Variants in TANC2 observed in about 807,000 individuals in gnomAD.
TANC2 encodes the protein tetratricopeptide repeat, ankyrin repeat and coiled-coil containing 2.
TANC2 carries 26 observed loss-of-function variants against 210.5 expected under a neutral mutation model. That is an observed-to-expected ratio of 0.12 (90% confidence interval 0.09 to 0.17). The LOEUF is 0.17. TANC2 is among the 10% of genes least tolerant of loss of function. The probability of loss-of-function intolerance (pLI) is 1.00; values close to 1 mark genes in which losing one functional copy is unlikely to be tolerated. For missense variants in TANC2, 2,129 were observed against 2,608.9 expected, an observed-to-expected ratio of 0.82 and a Z score of 4.01; for synonymous variants, 931 against 967.1, an observed-to-expected ratio of 0.96 and a Z score of 0.69.
chr17:63,386,079 C>T (rs968350740), intron 15 of TANC2, among the ~76,000 whole-genome samples: 3 of 152,062 alleles, frequency 2.0e-5, no homozygotes, highest in African/African-American at 7.2e-5. Context: ...GTCAAAATGT[C>T]GCAAAATATA....
intron 4 of TANC2, chr17:63,148,390 T>C (rs1410002196): frequency 6.6e-6 from 1 of 152,218 alleles, no homozygotes; most frequent in Non-Finnish European, 1.5e-5. Flanking sequence ...AACAATACTG[T>C]GACTTTATGA....
chr17:63,358,377 G>GAA (rs1228823721), intron 14 of TANC2, among the ~76,000 whole-genome samples: 37 of 101,096 alleles, frequency 3.7e-4, no homozygotes, highest in Admixed American at 2.9e-3. Context: ...GAGAGAGAGA[G>GAA]TATGTGTGTG....
chr17:63,404,979 T>C, intron 19 of TANC2, 143 bp from the exon 20 acceptor site: 4 of 1,014,456 alleles, frequency 3.9e-6, no homozygotes, highest in South Asian at 3.4e-5. Context: ...GAACTTTTCT[T>C]TATGGAAAAG....
Position 63,421,270 on chromosome 17 carries a change from A to G in TANC2, c.5540A>G (p.Lys1847Arg). Residue 1847 changes from lysine (K) to arginine (R), a missense_variant, in exon 28 of 28, where the codon AAA (lysine) becomes AGA (arginine). Lys to Arg is a conservative substitution (Grantham distance 26, BLOSUM62 2). Coordinates refer to ENST00000689528, the Ensembl canonical transcript of TANC2. The surrounding 1 kb of genome is among the most constrained non-coding windows in gnomAD (Gnocchi z 6.9). The stretch of plus-strand genomic sequence containing the variant: ...ATCAGTGTCAACCCTAACGAAATCA[A>G]ACCGCACCCGCCAACTCCCAGGCCG... The G allele has an allele frequency of 6.2e-7, 1 of 1,613,952 alleles. No homozygotes were observed. Among genetic ancestry groups the G allele is most frequent in the Non-Finnish European group, 8.5e-7 (1 of 1,179,886 alleles).
intron 7 of TANC2, among the ~76,000 whole-genome samples, chr17:63,215,057 A>G (rs1037357466): frequency 2.0e-5 from 3 of 152,288 alleles, no homozygotes; most frequent in South Asian, 4.1e-4. Context: ...CCCTCTACCC[A>G]TTTCAGAACA....
intron 3 of TANC2, among the ~76,000 whole-genome samples, chr17:63,091,205 C>A (rs1362391248): frequency 6.6e-6 from 1 of 151,982 alleles, no homozygotes; most frequent in African/African-American, 2.4e-5. Flanking sequence ...GCAGAAGCTC[C>A]TTAGTTTAAT....
chr17:63,389,671 C>A, intron 17 of TANC2, 127 bp downstream of exon 17: 2 of 925,644 alleles, frequency 2.2e-6, no homozygotes, highest in Middle Eastern at 2.2e-4. Flanking sequence ...GAGAGGAGAT[C>A]AGAGAGAGTG....
chr17:63,201,277 T>G (rs1170173180), intron 7 of TANC2, among the ~76,000 whole-genome samples: 4 of 152,196 alleles, frequency 2.6e-5, no homozygotes, highest in Admixed American at 2.0e-4. Flanking sequence ...AAAAAGTTCA[T>G]TCCTTACTGG....
At chr17:63,405,228 C>T (rs1405828434) in exon 20 of TANC2, 1 of 1,599,330 alleles carries the variant, frequency 6.3e-7, no homozygotes, top group Non-Finnish European at 8.5e-7. Context: ...TGCCACTATT[C>T]AGCACAGTGC....
At chr17:63,089,894 G>C (rs920333762) in intron 3 of TANC2, among the ~76,000 whole-genome samples, 1 of 151,768 alleles carries the variant, frequency 6.6e-6, no homozygotes, top group Admixed American at 6.6e-5. Flanking sequence ...CAAATCATAA[G>C]TGTACAGTGA....
chr17:63,386,429 AT>A (rs779150520), intron 15 of TANC2, among the ~76,000 whole-genome samples: 9 of 152,198 alleles, frequency 5.9e-5, no homozygotes, highest in Non-Finnish European at 1.3e-4. Flanking sequence ...CTGATAAAAT[AT>A]CTGGGATTTT....
At chr17:63,215,453 G>A (rs1172574472) in intron 7 of TANC2, among the ~76,000 whole-genome samples, 1 of 152,178 alleles carries the variant, frequency 6.6e-6, no homozygotes, top group Non-Finnish European at 1.5e-5. Flanking sequence ...TCAGGATAGG[G>A]AATGGTCACC....
At chr17:63,361,880 C>G (rs2046967977) in intron 14 of TANC2, among the ~76,000 whole-genome samples, 1 of 152,238 alleles carries the variant, frequency 6.6e-6, no homozygotes. Flanking sequence ...TTTCCACAAG[C>G]AGGTCATCCC....
chr17:63,161,798 C>A (rs1307304485), intron 5 of TANC2, among the ~76,000 whole-genome samples: 1 of 152,166 alleles, frequency 6.6e-6, no homozygotes, highest in Non-Finnish European at 1.5e-5. Context: ...AGACCCTGCT[C>A]AAGTGTACAT....
chr17:63,234,627 G>A (rs1346120883), intron 7 of TANC2, among the ~76,000 whole-genome samples: 1 of 144,678 alleles, frequency 6.9e-6, no homozygotes, highest in Non-Finnish European at 1.5e-5. Context: ...TTACAGAGCT[G>A]GGTGCTAAAA....
At chr17:62,973,991 A>G (rs2031857878) in intron 1 of TANC2, among the ~76,000 whole-genome samples, 1 of 152,212 alleles carries the variant, frequency 6.6e-6, no homozygotes, top group Non-Finnish European at 1.5e-5. Context: ...TGCTGTCGAG[A>G]CCATACGGCC....
At position 63,158,293 on chromosome 17, in the gene TANC2, G is replaced by A. The variant is rs569687813; in HGVS notation, c.433+6913G>A. Among the ~76,000 whole-genome samples the A allele has an allele frequency of 3.3e-5, 5 of 152,310 alleles. No individual in the cohort carries two copies. The South Asian group carries it at 1.0e-3, about 32-fold the overall frequency. ...TAAGGTGTTTGTGATAGTTAAATAA[G>A]CTAGTACCTATAATTTACTTAGCAC... On this transcript the variant is annotated intron_variant, in intron 5 of 27. Coordinates refer to ENST00000689528, the Ensembl canonical transcript of TANC2.
intron 9 of TANC2, among the ~76,000 whole-genome samples, chr17:63,304,509 G>A (rs1358594232): frequency 1.3e-5 from 2 of 152,160 alleles, no homozygotes; most frequent in Non-Finnish European, 2.9e-5. Context: ...CAGTAGGAAC[G>A]CTTCTGTATA....
At chr17:63,413,459 CCCTAGGGTATTTTTTTCA>C in intron 24 of TANC2, 66 bp from the exon 25 acceptor site, 6 of 1,065,862 alleles carry the variant, frequency 5.6e-6, no homozygotes, top group Non-Finnish European at 8.2e-6. Flanking sequence ...GCAGAAATTC[CCCTAGGGTATTTTTTTCA>C]CCTAGCTTCC....
Sources: gnomAD v4.1 joint callset for allele counts (sites outside exome capture counted in the v4.1 genomes callset) on GRCh38, gnomAD v4.1.1 for gene constraint, Gnocchi (gnomAD v3.1) non-coding constraint, MANE v1.5 for transcripts, NCBI Gene and HGNC (gene_info 2026-07-23, HGNC 2026-07-21) for gene names.